The following OR6N2 variants were observed in gnomAD, a reference collection of about 807,000 sequenced individuals.
OR6N2 encodes olfactory receptor 6N2.
For missense variants in OR6N2, 399 were observed against 379.7 expected (o/e 1.05, Z -0.42); for synonymous variants, 160 against 138.3 (o/e 1.16, Z -1.10).
Position 158,777,626 on chromosome 1 carries a change from A to T in OR6N2, c.10T>A (p.Tyr4Asn). 3 of 1,609,910 alleles carry T rather than the reference A, an allele frequency of 1.9e-6. No individual in the cohort carries two copies. The highest frequency in any genetic ancestry group is 1.7e-5 in the Admixed American group (1 of 59,916). ...AATTCAGCCAGGCTTGAATGGTTGT[A>T]TTGATCCATGGGAGGCTGAGGTAAA... MDQ[Y>N]NHSSLAEFVF... is the part of the protein sequence containing the mutation. Residue 4 changes from tyrosine to asparagine, a missense_variant, in exon 2 of 2, where the codon TAC (tyrosine) becomes AAC (asparagine). Physicochemically the swap from Tyr to Asn is moderately radical, Grantham distance 143. Coordinates refer to ENST00000641131, the MANE Select transcript of OR6N2 (RefSeq NM_001005278.2).
In OR6N2 at chr1:158,777,032, T is replaced by C; in HGVS notation, c.604A>G (p.Ile202Val). Reference sequence around the variant, plus strand: ...GTGATAAGAATTATGAAAGCATTAATGGCAAAGTCCACCAGAATGTTAGCA... The same window carrying C: ...GTGATAAGAATTATGAAAGCATTAACGGCAAAGTCCACCAGAATGTTAGCA... ...TSANILVDFAINAFIILITFF... is the reference protein window; with the variant it reads ...TSANILVDFAVNAFIILITFF... The change falls in exon 2 of 2, where the codon ATT becomes GTT. Residue 202 changes from isoleucine to valine, a missense_variant. Physicochemically the swap from Ile to Val is conservative, Grantham distance 29. Transcript: ENST00000641131. 1 of 1,614,122 alleles carries C rather than the reference T, an allele frequency of 6.2e-7. No homozygotes were observed. The highest frequency in any genetic ancestry group is 1.3e-5 in the African/African-American group (1 of 75,040).
rs1657575343 is a variant in OR6N2 at position 158,775,731 on chromosome 1, A to C, written c.*951T>G. 6.6e-6 allele frequency: 1 copy of C among 151,598 alleles called. No individual in the cohort carries two copies. The highest frequency in any genetic ancestry group is 2.4e-5 in the African/African-American group (1 of 41,310). 9.4% of individuals were successfully genotyped at this position (151,598 alleles called of 1,614,324 possible). A position where few individuals can be genotyped will look rare whatever the true frequency, so the allele number is the denominator to read the frequency against. On this transcript the variant is annotated 3_prime_UTR_variant, in exon 2 of 2. Coordinates refer to ENST00000641131, the MANE Select transcript of OR6N2 (RefSeq NM_001005278.2). The stretch of plus-strand genomic sequence containing the variant: ...GTATAAGAAATAAATTGATTTAAGA[A>C]TATATTTTGTGAAAAGATTGTTGGC...
Position 158,777,183 on chromosome 1 carries a change from A to T in OR6N2, c.453T>A (p.Cys151Ter). The change falls in exon 2 of 2, where the codon TGT (cysteine) becomes TGA (stop). Residue 151 changes from cysteine to a stop codon, truncating the protein, a stop_gained. Coordinates refer to ENST00000641131, the MANE Select transcript of OR6N2 (RefSeq NM_001005278.2). LOFTEE classifies it low-confidence loss of function (END_TRUNC). ...CAKMAAACWTCGFLCPISEVI... is the reference protein window; with the variant it reads ...CAKMAAACWT The stretch of plus-strand genomic sequence containing the variant: ...CCTCAGAAATGGGACACAGGAAGCC[A>T]CAAGTCCAACAAGCAGCAGCCATCT... 6.2e-7 allele frequency: 1 copy of T among 1,614,154 alleles called. No individual in the cohort carries two copies. Among genetic ancestry groups the T allele is most frequent in the Non-Finnish European group, 8.5e-7 (1 of 1,180,036 alleles).
At chr1:158,780,637 G>T (rs1201530934) in intron 1 of OR6N2, among the ~76,000 whole-genome samples, 1 of 152,120 alleles carries the variant, frequency 6.6e-6, no homozygotes, top group Non-Finnish European at 1.5e-5. Context: ...CTAACACAAA[G>T]CCTATTTTAT....
At chr1:158,780,168 A>G (rs1019063076) in intron 1 of OR6N2, among the ~76,000 whole-genome samples, 12 of 152,202 alleles carry the variant, frequency 7.9e-5, no homozygotes, top group Non-Finnish European at 1.6e-4. Context: ...AAGACCTATC[A>G]TTGTTCCCAC....
In OR6N2 at chr1:158,774,782, A is replaced by G. The variant is rs1309191286; in HGVS notation, c.*1900T>C. On this transcript the variant is annotated 3_prime_UTR_variant, in exon 2 of 2. Transcript: ENST00000641131. ...AGTAGCTAAGCAAGGACTAGTTACCAGTATTATCCAAGGAAATTCAAAAGG... is the reference window on the plus strand; with the variant it reads ...AGTAGCTAAGCAAGGACTAGTTACCGGTATTATCCAAGGAAATTCAAAAGG... The G allele has an allele frequency of 6.6e-6, 1 of 152,192 alleles. No individual in the cohort carries two copies. The highest frequency in any genetic ancestry group is 6.5e-5 in the Admixed American group (1 of 15,268). 9.4% of individuals were successfully genotyped at this position (152,192 alleles called of 1,614,324 possible).
chr1:158,775,769 T>A lies in OR6N2; in HGVS notation c.*913A>T, dbSNP rs1657576424. 2 of 152,320 alleles carry A rather than the reference T, an allele frequency of 1.3e-5. No individual in the cohort carries two copies. The highest frequency in any genetic ancestry group is 4.1e-4 in the South Asian group (2 of 4,826). 9.4% of individuals were successfully genotyped at this position (152,320 alleles called of 1,614,324 possible). ...AAAGATTGTTGGCATACATTAATAA[T>A]TGATTGGAATTATGGTTGTAAGAAA... On this transcript the variant is annotated 3_prime_UTR_variant, in exon 2 of 2. Transcript: ENST00000641131.
intron 1 of OR6N2, among the ~76,000 whole-genome samples, chr1:158,778,710 G>A (rs1047814833): frequency 1.3e-5 from 2 of 152,092 alleles, no homozygotes; most frequent in Admixed American, 6.5e-5. Flanking sequence ...TGGTTAGCTT[G>A]TTTGGTGTAA....
chr1:158,780,618 C>A (rs1036090981), intron 1 of OR6N2, among the ~76,000 whole-genome samples: 9 of 152,176 alleles, frequency 5.9e-5, no homozygotes, highest in Non-Finnish European at 1.3e-4. Context: ...TACAGTTGGG[C>A]AAAATCATCT....
intron 1 of OR6N2, among the ~76,000 whole-genome samples, chr1:158,780,645 TATA>T: frequency 6.6e-6 from 1 of 152,364 alleles, no homozygotes; most frequent in South Asian, 2.1e-4. Flanking sequence ...AAGCCTATTT[TATA>T]ATAAGGTATT....
chr1:158,778,543 A>C (rs1368309673), intron 1 of OR6N2, among the ~76,000 whole-genome samples: 4 of 152,236 alleles, frequency 2.6e-5, no homozygotes, highest in Non-Finnish European at 5.9e-5. Flanking sequence ...TTAGCTCCAT[A>C]GATGCAGGGC....
In OR6N2 at chr1:158,776,505, A is replaced by G. The variant is rs1657596824; in HGVS notation, c.*177T>C. Reference sequence around the variant, plus strand: ...TACTAAAATATTCTTAAATGCTGACATAAGTGATCGAGTAAAAAATAGAAA... The same window carrying G: ...TACTAAAATATTCTTAAATGCTGACGTAAGTGATCGAGTAAAAAATAGAAA... On this transcript the variant is annotated 3_prime_UTR_variant, in exon 2 of 2. Transcript: ENST00000641131. 4 of 489,548 alleles carry G rather than the reference A, an allele frequency of 8.2e-6. No individual in the cohort carries two copies. The highest frequency in any genetic ancestry group is 1.4e-5 in the Non-Finnish European group (4 of 279,676). 30.3% of individuals were successfully genotyped at this position (489,548 alleles called of 1,614,324 possible). A position where few individuals can be genotyped will look rare whatever the true frequency, so the allele number is the denominator to read the frequency against.
At position 158,775,266 on chromosome 1, in the gene OR6N2, G is replaced by A. The variant is rs1019334650; in HGVS notation, c.*1416C>T. The A allele has an allele frequency of 3.9e-5, 6 of 152,184 alleles. No homozygotes were observed. Among genetic ancestry groups the A allele is most frequent in the African/African-American group, 1.4e-4 (6 of 41,448 alleles). 9.4% of individuals were successfully genotyped at this position (152,184 alleles called of 1,614,324 possible). ...CTCAAAGCTAGCATCACTGGAAATT[G>A]ATATTTGAACAGAAAATCACACAAT... On this transcript the variant is annotated 3_prime_UTR_variant, in exon 2 of 2. Coordinates refer to ENST00000641131, the MANE Select transcript of OR6N2 (RefSeq NM_001005278.2).
At chr1:158,779,979 A>G (rs12753777) in intron 1 of OR6N2, among the ~76,000 whole-genome samples, 7,954 of 152,306 alleles carry the variant, frequency 0.052, 407 homozygotes, top group East Asian at 0.15. Context: ...CTGGAACAGT[A>G]GGCATAGAAT....
rs768656708 is a variant in OR6N2 at position 158,777,130 on chromosome 1, C to A, written c.506G>T (p.Cys169Phe). 1 of 1,613,948 alleles carries A rather than the reference C, an allele frequency of 6.2e-7. No homozygotes were observed. The highest frequency in any genetic ancestry group is 8.5e-7 in the Non-Finnish European group (1 of 1,180,020). ...AATGTGTTGGATTTCATTGTAAGCA[C>A]AAAATGGGAGCTGGGAGGCAAGGAT... is the stretch of plus-strand genomic sequence containing the variant. ...EVILASQLPFCAYNEIQHIFC... is the reference protein window; with the variant it reads ...EVILASQLPFFAYNEIQHIFC... Residue 169 changes from cysteine (C) to phenylalanine (F), a missense_variant, in exon 2 of 2, where the codon TGT becomes TTT. Cys to Phe is a radical substitution (Grantham distance 205, BLOSUM62 -2). Coordinates refer to ENST00000641131, the MANE Select transcript of OR6N2 (RefSeq NM_001005278.2).
chr1:158,776,762 G>C lies in OR6N2; in HGVS notation c.874C>G (p.Leu292Val), dbSNP rs1304966995. 1 of 1,613,896 alleles carries C rather than the reference G, an allele frequency of 6.2e-7. No individual in the cohort carries two copies. The highest frequency in any genetic ancestry group is 2.2e-5 in the East Asian group (1 of 44,858). ...TPMVNPIIYS[L>V]RNKEIIKAIK... ...GCTTTAATGATTTCCTTGTTACGAA[G>C]ACTGTAGATAATTGGATTGACCATT... Residue 292 changes from leucine (L) to valine (V), a missense_variant, in exon 2 of 2, where the codon CTT becomes GTT. By Grantham distance (32) the Leu-to-Val change is conservative. Coordinates refer to ENST00000641131, the MANE Select transcript of OR6N2 (RefSeq NM_001005278.2).
At position 158,777,502 on chromosome 1, in the gene OR6N2, A is replaced by T; in HGVS notation, c.134T>A (p.Ile45Asn). Residue 45 changes from isoleucine (I) to asparagine (N), a missense_variant, in exon 2 of 2, where the codon ATC becomes AAC. Ile to Asn is a moderately radical substitution (Grantham distance 149). Coordinates refer to ENST00000641131, the MANE Select transcript of OR6N2 (RefSeq NM_001005278.2). Reference protein sequence around the residue: ...YLFTICGNMLIFSVIRLDAAL... With the variant: ...YLFTICGNMLNFSVIRLDAAL... ...TGCATCCAGTCGGATGACTGAGAAGATGAGCATGTTACCACAGATGGTGAA... is the reference window on the plus strand; with the variant it reads ...TGCATCCAGTCGGATGACTGAGAAGTTGAGCATGTTACCACAGATGGTGAA... 1 of 1,614,210 alleles carries T rather than the reference A, an allele frequency of 6.2e-7. No individual in the cohort carries two copies. Among genetic ancestry groups the T allele is most frequent in the Non-Finnish European group, 8.5e-7 (1 of 1,180,014 alleles).
intron 1 of OR6N2, among the ~76,000 whole-genome samples, chr1:158,778,878 C>T (rs942109633): frequency 6.6e-6 from 1 of 151,648 alleles, no homozygotes; most frequent in Non-Finnish European, 1.5e-5. Flanking sequence ...ATCAGCCGGG[C>T]GTGGTGGCGG....
chr1:158,777,592 A>T lies in OR6N2; in HGVS notation c.44T>A (p.Leu15His), dbSNP rs367905241. ...NHSSLAEFVF[L>H]GFASVGYVRG... ...GACATAGCCCACACTGGCAAAGCCA[A>T]GGAACACAAATTCAGCCAGGCTTGA... The change falls in exon 2 of 2, where the codon CTT becomes CAT. Residue 15 changes from leucine to histidine, a missense_variant. Coordinates refer to ENST00000641131, the MANE Select transcript of OR6N2 (RefSeq NM_001005278.2). The T allele has an allele frequency of 6.2e-7, 1 of 1,613,922 alleles. No individual in the cohort carries two copies. Among genetic ancestry groups the T allele is most frequent in the African/African-American group, 1.3e-5 (1 of 74,944 alleles).
Sources: gnomAD v4.1 joint callset for allele counts (sites outside exome capture counted in the v4.1 genomes callset) on GRCh38, gnomAD v4.1.1 for gene constraint, MANE v1.5 for transcripts, NCBI Gene and HGNC (gene_info 2026-07-23, HGNC 2026-07-21) for gene names.